Variants in SLC1A3 observed in about 807,000 individuals in gnomAD.
SLC1A3 encodes the protein solute carrier family 1 member 3, also known as excitatory amino acid transporter 1.
Under a neutral mutation model 48.1 loss-of-function variants are expected in SLC1A3, and 21 were observed. The ratio of observed to expected loss-of-function variants is 0.44; its 90% CI spans 0.31 to 0.63. The LOEUF is 0.63. Ranked by LOEUF, SLC1A3 falls within the 20% of genes least tolerant of loss-of-function variation. The pLI is 0.08. For synonymous variants in SLC1A3, 239 were observed against 251.4 expected, an observed-to-expected ratio of 0.95 and a Z score of 0.47; for missense variants, 546 against 689.0, an observed-to-expected ratio of 0.79 and a Z score of 2.32.
At chr5:36,668,742 G>A (rs918532610) in intron 3 of SLC1A3, 1 of 152,226 alleles carries the variant, frequency 6.6e-6, no homozygotes, top group East Asian at 1.9e-4. Flanking sequence ...TGAAGAAAAT[G>A]TTTTCATATT....
chr5:36,675,028 C>T (rs1292723480), intron 5 of SLC1A3, among the ~76,000 whole-genome samples: 1 of 152,132 alleles, frequency 6.6e-6, no homozygotes, highest in Non-Finnish European at 1.5e-5. Context: ...AATAATATTT[C>T]CCAAACATTT....
At chr5:36,675,867 AAGCACTTCATATACAGC>A (rs1418676579) in intron 5 of SLC1A3, among the ~76,000 whole-genome samples, 1 of 152,196 alleles carries the variant, frequency 6.6e-6, no homozygotes, top group Non-Finnish European at 1.5e-5. Context: ...AGAAATGACC[AAGCACTTCATATACAGC>A]AGCACTTTCT....
chr5:36,608,892 A>T, intron 2 of SLC1A3: 1 of 1,121,206 alleles, frequency 8.9e-7, no homozygotes, highest in African/African-American at 1.6e-5. Context: ...GGAAGTGATC[A>T]TTTAATCATT....
chr5:36,668,574 C>T (rs1741855629), intron 3 of SLC1A3: 1 of 152,158 alleles, frequency 6.6e-6, no homozygotes, highest in Non-Finnish European at 1.5e-5. Context: ...CCTTTCTTGG[C>T]TGAAAGAATA....
intron 3 of SLC1A3, among the ~76,000 whole-genome samples, chr5:36,665,260 C>T (rs1737846022): frequency 6.7e-6 from 1 of 149,470 alleles, no homozygotes; most frequent in Non-Finnish European, 1.5e-5. Flanking sequence ...AGCATAGCAA[C>T]AAAAACACTA....
In SLC1A3 at chr5:36,629,482, A is replaced by G; in HGVS notation, c.214A>G (p.Arg72Gly). 2 of 1,612,390 alleles carry G rather than the reference A, an allele frequency of 1.2e-6. No individual in the cohort carries two copies. Among genetic ancestry groups the G allele is most frequent in the Non-Finnish European group, 1.7e-6 (2 of 1,179,606 alleles). Residue 72 changes from arginine to glycine, a missense_variant, in exon 3 of 10, where the codon AGA becomes GGA. Physicochemically the swap from Arg to Gly is moderately radical, Grantham distance 125 (BLOSUM62 -2). Around this residue, in one of 3 missense-constraint regions of SLC1A3, gnomAD observed 348 missense variants for 392.0 expected, o/e 0.89. Transcript: ENST00000265113. ...TILGFTLRPY[R>G]MSYREVKYFS... ...CCTTGGATTTACCCTCCGACCATACAGAATGAGCTACCGGGAAGTCAAGTA... is the reference window on the plus strand; with the variant it reads ...CCTTGGATTTACCCTCCGACCATACGGAATGAGCTACCGGGAAGTCAAGTA...
chr5:36,624,707 C>T (rs748108595), intron 2 of SLC1A3, among the ~76,000 whole-genome samples: 3 of 152,152 alleles, frequency 2.0e-5, no homozygotes, highest in East Asian at 1.9e-4. Flanking sequence ...ACGTTACTAC[C>T]GATGGTTTCT....
At chr5:36,640,976 AACACACACACACATACAC>A (rs917665488) in intron 3 of SLC1A3, among the ~76,000 whole-genome samples, 3 of 151,562 alleles carry the variant, frequency 2.0e-5, no homozygotes, top group Admixed American at 1.3e-4. Flanking sequence ...TTAATGCCCC[AACACACACACACATACAC>A]ACACACACAC....
At chr5:36,632,744 C>G (rs750901606) in intron 3 of SLC1A3, among the ~76,000 whole-genome samples, 28 of 152,276 alleles carry the variant, frequency 1.8e-4, no homozygotes, top group Middle Eastern at 3.4e-3. Flanking sequence ...TTCTAGAAAA[C>G]ATGCTATAAG....
At chr5:36,635,480 C>A (rs1740303732) in intron 3 of SLC1A3, among the ~76,000 whole-genome samples, 1 of 152,216 alleles carries the variant, frequency 6.6e-6, no homozygotes, top group South Asian at 2.1e-4. Context: ...CTGAAGCAAC[C>A]ACTTTCCTAT....
intron 3 of SLC1A3, among the ~76,000 whole-genome samples, chr5:36,657,261 T>G (rs907020015): frequency 1.3e-5 from 2 of 152,214 alleles, no homozygotes; most frequent in African/African-American, 4.8e-5. Context: ...CTATAGGGAA[T>G]TTTTTTGTTT....
chr5:36,639,996 T>C (rs916314002), intron 3 of SLC1A3, among the ~76,000 whole-genome samples: 8 of 152,052 alleles, frequency 5.3e-5, no homozygotes, highest in Admixed American at 5.2e-4. Flanking sequence ...CTGGAGTTTC[T>C]GCTAGCAGAA....
At chr5:36,657,929 A>G (rs915727534) in intron 3 of SLC1A3, among the ~76,000 whole-genome samples, 1 of 152,226 alleles carries the variant, frequency 6.6e-6, no homozygotes, top group Non-Finnish European at 1.5e-5. Context: ...TTCTGAGCAC[A>G]TTCAGGAGAG....
At chr5:36,680,946 G>A (rs187427195) in intron 8 of SLC1A3, among the ~76,000 whole-genome samples, 100 of 151,422 alleles carry the variant, frequency 6.6e-4, no homozygotes, top group African/African-American at 2.4e-3. Context: ...GCCTTTAAAA[G>A]ACAAGAGGAT....
At chr5:36,666,666 T>C (rs1172987030) in intron 3 of SLC1A3, among the ~76,000 whole-genome samples, 1 of 152,234 alleles carries the variant, frequency 6.6e-6, no homozygotes, top group South Asian at 2.1e-4. Context: ...ATGCCAATGA[T>C]GGAAACTTGG....
chr5:36,645,452 A>G (rs890188390), intron 3 of SLC1A3, among the ~76,000 whole-genome samples: 1 of 149,784 alleles, frequency 6.7e-6, no homozygotes, highest in African/African-American at 2.5e-5. Context: ...CAGCTGCCCA[A>G]GTAGCTGGAA....
chr5:36,624,309 A>C (rs1366601393), intron 2 of SLC1A3, among the ~76,000 whole-genome samples: 1 of 152,016 alleles, frequency 6.6e-6, no homozygotes, highest in African/African-American at 2.4e-5. Context: ...ACCCATTTAG[A>C]CTCCTTCAGT....
At position 36,677,152 on chromosome 5, in the gene SLC1A3, A is replaced by C. The variant is rs756447264; in HGVS notation, c.828A>C (p.Glu276Asp). 2.5e-6 allele frequency: 4 copies of C among 1,614,048 alleles called. No homozygotes were observed. The highest frequency in any genetic ancestry group is 2.5e-6 in the Non-Finnish European group (3 of 1,179,896). ...GAGAGTTCTTTGATTCTCTTAACGA[A>C]GCCATCATGAGACTGGTAGCAGTAA... The part of the protein sequence containing the change: ...ALREFFDSLN[E>D]AIMRLVAVIM... The change falls in exon 6 of 10, where the codon GAA (glutamate) becomes GAC (aspartate). Residue 276 changes from glutamate to aspartate, a missense_variant. Around this residue, in one of 3 missense-constraint regions of SLC1A3, gnomAD observed 348 missense variants for 392.0 expected, o/e 0.89. Transcript: ENST00000265113.
intron 3 of SLC1A3, among the ~76,000 whole-genome samples, chr5:36,634,516 A>T (rs531388425): frequency 2.4e-4 from 37 of 152,284 alleles, no homozygotes; most frequent in African/African-American, 8.4e-4. Flanking sequence ...TGGTCCAGAC[A>T]TTCCTGCAGT....
Sources: allele counts gnomAD v4.1 joint callset (sites outside exome capture counted in the v4.1 genomes callset), GRCh38; gene constraint gnomAD v4.1.1; regional missense constraint gnomAD v4.1.1; transcripts MANE v1.5; gene names NCBI Gene and HGNC (gene_info 2026-07-23, HGNC 2026-07-21).